ATP8A2: variants seen among roughly 807,000 people sequenced by gnomAD.
ATP8A2 encodes the protein ATPase phospholipid transporting 8A2, also known as phospholipid-transporting ATPase IB.
A neutral mutation model predicts 165.6 loss-of-function variants in ATP8A2; 100 were observed. The ratio of observed to expected loss-of-function variants is 0.60; its 90% CI spans 0.51 to 0.71. The LOEUF (loss-of-function observed/expected upper bound fraction) is 0.71, where lower values mean the gene tolerates loss of function less well. Ranked by LOEUF, ATP8A2 falls within the 30% of genes least tolerant of loss-of-function variation. The probability of loss-of-function intolerance (pLI) is 0.00; values close to 1 mark genes in which losing one functional copy is unlikely to be tolerated. For synonymous variants in ATP8A2, 543 were observed against 548.8 expected (o/e 0.99, Z 0.15); for missense variants, 1,227 against 1,479.5 (o/e 0.83, Z 2.80).
At chr13:25,508,545 GAA>G (rs1385528056) in intron 2 of ATP8A2, among the ~76,000 whole-genome samples, 3 of 152,158 alleles carry the variant, frequency 2.0e-5, no homozygotes, top group African/African-American at 7.2e-5. Context: ...TATTGAGAAA[GAA>G]AAAAATTCAG....
intron 25 of ATP8A2, among the ~76,000 whole-genome samples, chr13:25,737,875 G>A (rs917607195): frequency 2.0e-5 from 3 of 152,068 alleles, no homozygotes; most frequent in East Asian, 1.9e-4. Flanking sequence ...TAGCAGAGAC[G>A]GGGTTTCACC....
chr13:25,727,496 C>G (rs191501545), intron 25 of ATP8A2, among the ~76,000 whole-genome samples: 3 of 152,152 alleles, frequency 2.0e-5, no homozygotes, highest in African/African-American at 7.2e-5. Context: ...ACGATACACT[C>G]TCACATGCCC....
At chr13:25,652,187 TA>T (rs1166877177) in intron 24 of ATP8A2, among the ~76,000 whole-genome samples, 7 of 152,132 alleles carry the variant, frequency 4.6e-5, no homozygotes, top group African/African-American at 1.7e-4. Flanking sequence ...TCAGAATATT[TA>T]AAAAATATAT....
intron 33 of ATP8A2, among the ~76,000 whole-genome samples, chr13:25,932,118 T>C (rs1450788694): frequency 6.6e-6 from 1 of 151,840 alleles, no homozygotes; most frequent in African/African-American, 2.4e-5. Flanking sequence ...GTTATAAACT[T>C]ACCCACACAG....
At chr13:25,652,900 C>G (rs1047120134) in intron 24 of ATP8A2, among the ~76,000 whole-genome samples, 6 of 152,170 alleles carry the variant, frequency 3.9e-5, no homozygotes, top group Non-Finnish European at 5.9e-5. Flanking sequence ...CCACCTGTAC[C>G]TAATGATTTC....
At position 25,465,510 on chromosome 13, in the gene ATP8A2, A is replaced by G. The variant is rs140338882; in HGVS notation, c.77-3467A>G. Among the ~76,000 whole-genome samples, 569 of 151,094 alleles carry G rather than the reference A, an allele frequency of 3.8e-3. 5 individuals carry two copies. The highest frequency in any genetic ancestry group is 0.013 in the African/African-American group (539 of 41,286). On this transcript the variant is annotated intron_variant, in intron 1 of 36. Transcript: ENST00000381655. The stretch of plus-strand genomic sequence containing the variant: ...TTCACTCCAATATTTGTTATCCAAC[A>G]TCTAAATTCTTGTTTGGAAAAGTTA...
Position 25,452,134 on chromosome 13 carries a change from T to C in ATP8A2, c.77-16843T>C, listed in dbSNP as rs182592108. 3.9e-3 allele frequency among the ~76,000 whole-genome samples: 590 copies of C among 152,316 alleles called. 5 individuals carry two copies. The highest frequency in any genetic ancestry group is 0.014 in the African/African-American group (562 of 41,562). ...TCCCAAAGTGCTGGGATTACAGGCGTGAGCCACCGTGCCTGGCCTAACCTT... is the reference window on the plus strand; with the variant it reads ...TCCCAAAGTGCTGGGATTACAGGCGCGAGCCACCGTGCCTGGCCTAACCTT... On this transcript the variant is annotated intron_variant, in intron 1 of 36. Coordinates refer to ENST00000381655, the MANE Select transcript of ATP8A2 (RefSeq NM_016529.6).
intron 35 of ATP8A2, among the ~76,000 whole-genome samples, chr13:25,971,584 A>C (rs1368921477): frequency 6.6e-6 from 1 of 151,902 alleles, no homozygotes; most frequent in Non-Finnish European, 1.5e-5. Flanking sequence ...TGGCTGACTG[A>C]CTGGCAATAC....
At chr13:25,934,845 G>C (rs1358926344) in intron 33 of ATP8A2, among the ~76,000 whole-genome samples, 2 of 152,172 alleles carry the variant, frequency 1.3e-5, no homozygotes, top group African/African-American at 2.4e-5. Flanking sequence ...ACAACGTTGA[G>C]GATTTGAAGA....
intron 25 of ATP8A2, among the ~76,000 whole-genome samples, chr13:25,741,337 G>A (rs921257100): frequency 6.6e-6 from 1 of 152,114 alleles, no homozygotes; most frequent in African/African-American, 2.4e-5. Context: ...GACTAGAAGT[G>A]TCCCTAAAAT....
intron 1 of ATP8A2, among the ~76,000 whole-genome samples, chr13:25,467,869 T>C (rs904188029): frequency 6.6e-6 from 1 of 152,166 alleles, no homozygotes; most frequent in African/African-American, 2.4e-5. Flanking sequence ...AGTTTTTTAA[T>C]GGTGTGCAAC....
chr13:25,769,170 G>C lies in ATP8A2; in HGVS notation c.2509G>C (p.Gly837Arg). The C allele has an allele frequency of 6.2e-7, 1 of 1,614,000 alleles. No homozygotes were observed. The highest frequency in any genetic ancestry group is 8.5e-7 in the Non-Finnish European group (1 of 1,179,870). ...GMIQTAHVGV[G>R]ISGNEGMQAT... The stretch of plus-strand genomic sequence containing the variant: ...GATCCAGACAGCCCACGTGGGTGTG[G>C]GAATCAGTGGGAATGAAGGCATGCA... Residue 837 changes from glycine to arginine, a missense_variant, in exon 26 of 37, where the codon GGA (glycine) becomes CGA (arginine). By Grantham distance (125) the Gly-to-Arg change is moderately radical. Around this residue, in one of 5 missense-constraint regions of ATP8A2, gnomAD observed 592 missense variants for 785.6 expected, o/e 0.75. Coordinates refer to ENST00000381655, the MANE Select transcript of ATP8A2 (RefSeq NM_016529.6).
At chr13:25,954,066 G>A (rs1460046537) in intron 33 of ATP8A2, among the ~76,000 whole-genome samples, 3 of 152,158 alleles carry the variant, frequency 2.0e-5, no homozygotes, top group Admixed American at 6.5e-5. Context: ...TAGCTCAGTG[G>A]ATCCCACCCC....
intron 30 of ATP8A2, among the ~76,000 whole-genome samples, chr13:25,850,325 TAG>T (rs1284137717): frequency 6.6e-6 from 1 of 152,202 alleles, no homozygotes; most frequent in Non-Finnish European, 1.5e-5. Flanking sequence ...TCTTTATTTA[TAG>T]AGACTTTTTT....
At chr13:25,977,210 A>G (rs1447343334) in intron 35 of ATP8A2, among the ~76,000 whole-genome samples, 4 of 151,846 alleles carry the variant, frequency 2.6e-5, no homozygotes, top group Middle Eastern at 3.2e-3. Context: ...CTATGAAAAA[A>G]TTAATTGAAT....
At chr13:25,770,991 A>G (rs73484516) in intron 26 of ATP8A2, among the ~76,000 whole-genome samples, 6,298 of 152,200 alleles carry the variant, frequency 0.041, 427 homozygotes, top group African/African-American at 0.14. Context: ...CACCTCTCCA[A>G]AGCGGGGGCT....
chr13:25,478,197 C>T (rs2137563837), intron 2 of ATP8A2, among the ~76,000 whole-genome samples: 1 of 151,488 alleles, frequency 6.6e-6, no homozygotes, highest in South Asian at 2.1e-4. Flanking sequence ...TCCCTATGCT[C>T]ACAAACAGCA....
chr13:25,780,753 A>T (rs2044855477), intron 27 of ATP8A2, among the ~76,000 whole-genome samples: 1 of 151,954 alleles, frequency 6.6e-6, no homozygotes, highest in South Asian at 2.1e-4. Flanking sequence ...GATCCCTTGC[A>T]TGCGTGTTTT....
rs1957072513 is a variant in ATP8A2 at position 26,020,883 on chromosome 13, T to G, written c.*898T>G. On this transcript the variant is annotated 3_prime_UTR_variant, in exon 37 of 37. Coordinates refer to ENST00000381655, the MANE Select transcript of ATP8A2 (RefSeq NM_016529.6). The stretch of plus-strand genomic sequence containing the variant: ...TATTCTAAACGTCTCTCTGCCTCTG[T>G]CTGACATGGGGCCACCCCACAGGTC... 2 of 152,294 alleles carry G rather than the reference T, an allele frequency of 1.3e-5. No homozygotes were observed. Among genetic ancestry groups the G allele is most frequent in the Non-Finnish European group, 2.9e-5 (2 of 68,078 alleles). The allele number at this position is 152,294 out of a possible 1,614,324, so 9.4% of individuals were successfully genotyped here.
Sources: allele counts gnomAD v4.1 joint callset (sites outside exome capture counted in the v4.1 genomes callset), GRCh38; gene constraint gnomAD v4.1.1; regional missense constraint gnomAD v4.1.1; transcripts MANE v1.5; gene names NCBI Gene and HGNC (gene_info 2026-07-23, HGNC 2026-07-21).